The following EDRF1 variants were observed in gnomAD, a reference collection of about 807,000 sequenced individuals.
EDRF1 encodes erythroid differentiation-related factor 1.
In EDRF1, 69 loss-of-function variants were observed where a neutral mutation model predicts 148.7. The observed-to-expected ratio is 0.46, with a 90% CI of 0.38 to 0.57. EDRF1 has a LOEUF of 0.57. EDRF1 is among the 20% of genes least tolerant of loss of function. The pLI, the probability that EDRF1 is intolerant of heterozygous loss-of-function variation, is 0.00. For synonymous variants in EDRF1, 515 were observed against 532.8 expected (o/e 0.97, Z 0.46); for missense variants, 1,118 against 1,478.7 (o/e 0.76, Z 4.00).
intron 24 of EDRF1, among the ~76,000 whole-genome samples, chr10:125,757,318 A>T (rs968952520): frequency 1.1e-4 from 17 of 152,182 alleles, no homozygotes; most frequent in African/African-American, 4.1e-4. Context: ...ATGAGAGGCC[A>T]CCTTCAAGTA....
intron 7 of EDRF1, 73 bp downstream of exon 7, chr10:125,729,177 C>A: frequency 6.7e-7 from 1 of 1,482,368 alleles, no homozygotes; most frequent in South Asian, 1.2e-5. Flanking sequence ...TAGCCTAAGT[C>A]GAAATTGATA....
At chr10:125,719,986 C>A in intron 1 of EDRF1, 71 bp downstream of exon 1, 1 of 1,417,450 alleles carries the variant, frequency 7.1e-7, no homozygotes, top group Non-Finnish European at 9.9e-7. Context: ...GGGAGGGATG[C>A]CACGGTTCCC....
chr10:125,742,562 CT>C lies in EDRF1; in HGVS notation c.2372-494del, dbSNP rs1448093343. 1.8e-5 allele frequency: 18 copies of C among 985,298 alleles called. No individual in the cohort carries two copies. In the Admixed American group the frequency reaches 1.1e-3, roughly 61 times the overall value. The allele number at this position is 985,298 out of a possible 1,614,324, so 61.0% of individuals were successfully genotyped here. Reference sequence around the variant, plus strand: ...CATGTTTTAATGTAGTAGGAAAGTCCTTGGTGTATTTTTACTACTCCCATCA... The same window carrying C: ...CATGTTTTAATGTAGTAGGAAAGTCCTGGTGTATTTTTACTACTCCCATCA... On this transcript the variant is annotated intron_variant, in intron 17 of 24. Coordinates refer to ENST00000356792, the MANE Select transcript of EDRF1 (RefSeq NM_001202438.2).
At position 125,719,818 on chromosome 10, in the gene EDRF1, C is replaced by G. The variant is rs770352516; in HGVS notation, c.11C>G (p.Ala4Gly). ...CCCTGGATCGAAGTGATGGGGGATGCCAAGGAGGCCGGAGCCGAGGGTCCG... is the reference window on the plus strand; with the variant it reads ...CCCTGGATCGAAGTGATGGGGGATGGCAAGGAGGCCGGAGCCGAGGGTCCG... MGD[A>G]KEAGAEGPPA... The change falls in exon 1 of 25, where the codon GCC becomes GGC. Residue 4 changes from alanine (A) to glycine (G), a missense_variant. Physicochemically the swap from Ala to Gly is moderately conservative, Grantham distance 60. Transcript: ENST00000356792. 1 of 1,610,576 alleles carries G rather than the reference C, an allele frequency of 6.2e-7. No homozygotes were observed. The highest frequency in any genetic ancestry group is 1.3e-5 in the African/African-American group (1 of 74,898).
chr10:125,759,999 C>T (rs754648148), intron 24 of EDRF1, among the ~76,000 whole-genome samples: 8 of 152,214 alleles, frequency 5.3e-5, no homozygotes, highest in African/African-American at 9.6e-5. Context: ...TGTGAGCCAC[C>T]GCGCCTGGCC....
intron 22 of EDRF1, among the ~76,000 whole-genome samples, chr10:125,751,412 T>TTG (rs1554875833): frequency 1.5e-4 from 22 of 151,206 alleles, no homozygotes; most frequent in African/African-American, 5.1e-4. Context: ...GTGTTTTTTT[T>TTG]TTTGTTTTTT....
chr10:125,763,361 G>C lies in EDRF1; in HGVS notation c.3606G>C (p.Leu1202Phe). ...KTNKHIYSQL[L>F]RATANKTATL... The stretch of plus-strand genomic sequence containing the variant: ...ACAAGCACATTTACTCCCAGCTTTT[G>C]AGAGCAACTGCAAATAAAACCGCGA... The change falls in exon 25 of 25, where the codon TTG (leucine) becomes TTC (phenylalanine). Residue 1202 changes from leucine to phenylalanine, a missense_variant. By Grantham distance (22) the Leu-to-Phe change is conservative. This residue lies in a region of EDRF1 where 954 missense variants were observed against 1,241.4 expected (regional missense o/e 0.77). Coordinates refer to ENST00000356792, the MANE Select transcript of EDRF1 (RefSeq NM_001202438.2). This position sits in a 1 kb window ranked among gnomAD's most constrained non-coding sequence, Gnocchi z 4.3. The C allele has an allele frequency of 5.0e-6, 8 of 1,613,572 alleles. No individual in the cohort carries two copies. Among genetic ancestry groups the C allele is most frequent in the Non-Finnish European group, 6.8e-6 (8 of 1,180,020 alleles).
At chr10:125,738,176 G>A in intron 14 of EDRF1, 119 bp from the exon 15 acceptor site, 3 of 1,421,990 alleles carry the variant, frequency 2.1e-6, no homozygotes, top group East Asian at 2.3e-5. Flanking sequence ...GTTTTTGAAA[G>A]TCTGTTTGTG....
At chr10:125,733,055 C>T (rs1489126013) in intron 9 of EDRF1, among the ~76,000 whole-genome samples, 1 of 152,156 alleles carries the variant, frequency 6.6e-6, no homozygotes, top group African/African-American at 2.4e-5. Flanking sequence ...AGCCTACCTT[C>T]ATTTACCATC....
intron 6 of EDRF1, among the ~76,000 whole-genome samples, chr10:125,727,297 T>C (rs1174301666): frequency 6.6e-6 from 1 of 152,226 alleles, no homozygotes; most frequent in Non-Finnish European, 1.5e-5. Flanking sequence ...AAGAGTCTCT[T>C]ACAGAGTACT....
chr10:125,742,521 G>A lies in EDRF1; in HGVS notation c.2372-537G>A, dbSNP rs138982252. ...TTTTGCCCTTTCTTCCCCTCTCTCC[G>A]TCTTTCTCAAATAATCATGTTTTAA... On this transcript the variant is annotated intron_variant, in intron 17 of 24. Transcript: ENST00000356792. 9.9e-5 allele frequency: 98 copies of A among 985,314 alleles called. 1 individual carries two copies. In the African/African-American group the frequency reaches 1.6e-3, roughly 16 times the overall value. 61.0% of individuals were successfully genotyped at this position (985,314 alleles called of 1,614,324 possible). A position where few individuals can be genotyped will look rare whatever the true frequency, so the allele number is the denominator to read the frequency against.
intron 6 of EDRF1, among the ~76,000 whole-genome samples, chr10:125,727,425 A>G (rs556486274): frequency 1.3e-5 from 2 of 152,356 alleles, no homozygotes; most frequent in African/African-American, 2.4e-5. Flanking sequence ...TTAAGCAGTT[A>G]TAGAGGTTAA....
chr10:125,723,303 T>G (rs1400942216), intron 3 of EDRF1, among the ~76,000 whole-genome samples, 169 bp downstream of exon 3: 1 of 152,220 alleles, frequency 6.6e-6, no homozygotes, highest in Non-Finnish European at 1.5e-5. Flanking sequence ...AAAGTATCAT[T>G]GTTTACCACA....
chr10:125,752,571 A>C (rs572600623), intron 22 of EDRF1, among the ~76,000 whole-genome samples: 1 of 152,342 alleles, frequency 6.6e-6, no homozygotes, highest in East Asian at 1.9e-4. Context: ...CTGTCTTGAC[A>C]AAACCAAATG....
chr10:125,739,479 C>T (rs534111936), intron 15 of EDRF1, among the ~76,000 whole-genome samples: 2 of 152,298 alleles, frequency 1.3e-5, no homozygotes, highest in Admixed American at 1.3e-4. Context: ...TGCCTTATGT[C>T]AGAGTTCCAG....
At position 125,719,819 on chromosome 10, in the gene EDRF1, C is replaced by T. The variant is rs898979600; in HGVS notation, c.12C>T (p.Ala4=). The change falls in exon 1 of 25, where the codon GCC becomes GCT. Residue 4 remains alanine (A), a synonymous_variant. Transcript: ENST00000356792. MGD[A]KEAGAEGPPA... ...CCTGGATCGAAGTGATGGGGGATGC[C>T]AAGGAGGCCGGAGCCGAGGGTCCGC... The T allele has an allele frequency of 6.2e-7, 1 of 1,611,086 alleles. No homozygotes were observed. The highest frequency in any genetic ancestry group is 8.5e-7 in the Non-Finnish European group (1 of 1,179,014).
At chr10:125,723,184 G>C (rs897034216) in intron 3 of EDRF1, 50 bp downstream of exon 3, 2 of 1,466,290 alleles carry the variant, frequency 1.4e-6, no homozygotes. Context: ...TTTGTGATAG[G>C]TGTTTTATAT....
intron 14 of EDRF1, 152 bp from the exon 15 acceptor site, chr10:125,738,143 C>G: frequency 7.3e-7 from 1 of 1,366,648 alleles, no homozygotes; most frequent in Middle Eastern, 2.1e-4. Flanking sequence ...TTTGTTTTTC[C>G]CAAATCTTTC....
In EDRF1 at chr10:125,725,774, C is replaced by T; in HGVS notation, c.728C>T (p.Ala243Val). The change falls in exon 6 of 25, where the codon GCT (alanine) becomes GTT (valine). Residue 243 changes from alanine to valine, a missense_variant. Physicochemically the swap from Ala to Val is moderately conservative, Grantham distance 64. This residue lies in a region of EDRF1 where 954 missense variants were observed against 1,241.4 expected (regional missense o/e 0.77). Transcript: ENST00000356792. ...GATCAGACAAATGATTCGGAAGGGG[C>T]TTCATGGCCTGCTCCCTTCGAAATG... Reference protein sequence around the residue: ...SSDQTNDSEGASWPAPFEMPS... With the variant: ...SSDQTNDSEGVSWPAPFEMPS... 1 of 1,614,020 alleles carries T rather than the reference C, an allele frequency of 6.2e-7. No individual in the cohort carries two copies. Among genetic ancestry groups the T allele is most frequent in the Non-Finnish European group, 8.5e-7 (1 of 1,180,000 alleles).
Sources: allele counts gnomAD v4.1 joint callset (sites outside exome capture counted in the v4.1 genomes callset), GRCh38; gene constraint gnomAD v4.1.1; regional missense constraint gnomAD v4.1.1; non-coding constraint Gnocchi (gnomAD v3.1); transcripts MANE v1.5; gene names NCBI Gene and HGNC (gene_info 2026-07-23, HGNC 2026-07-21).